Variants in RHOV observed in about 807,000 individuals in gnomAD.
The protein encoded by RHOV is ras homolog family member V, also known as rho-related GTP-binding protein RhoV.
In RHOV, 6 loss-of-function variants were observed where a neutral mutation model predicts 20.2. The observed-to-expected ratio is 0.30, with a 90% CI of 0.16 to 0.59. The LOEUF is 0.59. Ranked by LOEUF, RHOV falls within the 20% of genes least tolerant of loss-of-function variation. The pLI is 0.89. For missense variants in RHOV, 275 were observed against 319.4 expected, an observed-to-expected ratio of 0.86 and a Z score of 1.06; for synonymous variants, 136 against 142.3, an observed-to-expected ratio of 0.96 and a Z score of 0.31.
In RHOV at chr15:40,874,144, C is replaced by A; in HGVS notation, c.-5G>T. Reference sequence around the variant, plus strand: ...GCTCAGCTCCCGCGGCGGCATGGCCCGCTCCGGGGGCAGCAGAGGGGCCAG... The same window carrying A: ...GCTCAGCTCCCGCGGCGGCATGGCCAGCTCCGGGGGCAGCAGAGGGGCCAG... On this transcript the variant is annotated 5_prime_UTR_variant, in exon 1 of 3. Transcript: ENST00000220507. 2 of 1,301,200 alleles carry A rather than the reference C, an allele frequency of 1.5e-6. No homozygotes were observed. Among genetic ancestry groups the A allele is most frequent in the South Asian group, 2.1e-5 (1 of 48,672 alleles). The allele number at this position is 1,301,200 out of a possible 1,614,324, so 80.6% of individuals were successfully genotyped here. A position where few individuals can be genotyped will look rare whatever the true frequency, so the allele number is the denominator to read the frequency against.
At position 40,873,833 on chromosome 15, in the gene RHOV, G is replaced by A; in HGVS notation, c.209-91C>T. 6 of 1,539,118 alleles carry A rather than the reference G, an allele frequency of 3.9e-6. No individual in the cohort carries two copies. In the South Asian group the frequency reaches 4.6e-5, roughly 12 times the overall value. On this transcript the variant is annotated intron_variant, in intron 1 of 2. Coordinates refer to ENST00000220507, the MANE Select transcript of RHOV (RefSeq NM_133639.4). ...CGGGGCCTGCTCCAGTCTCCTCCCC[G>A]GGGTCCTCTGCGCCCTCCCGCCGAG...
At position 40,873,048 on chromosome 15, in the gene RHOV, C is replaced by T; in HGVS notation, c.*10G>A. The T allele has an allele frequency of 6.2e-7, 1 of 1,606,168 alleles. No individual in the cohort carries two copies. Among genetic ancestry groups the T allele is most frequent in the Non-Finnish European group, 8.5e-7 (1 of 1,174,042 alleles). On this transcript the variant is annotated 3_prime_UTR_variant, in exon 3 of 3. Coordinates refer to ENST00000220507, the MANE Select transcript of RHOV (RefSeq NM_133639.4). The stretch of plus-strand genomic sequence containing the variant: ...CTCCTGCCTACTACTTGCTATGCAG[C>T]CATAGCTGCTCAAACGAAGCAGAAG...
At position 40,873,964 on chromosome 15, in the gene RHOV, C is replaced by T. The variant is rs1891924958; in HGVS notation, c.176G>A (p.Arg59His). The change falls in exon 1 of 3, where the codon CGC (arginine) becomes CAC (histidine). Residue 59 changes from arginine (R) to histidine (H), a missense_variant. Arg to His is a conservative substitution (Grantham distance 29). Coordinates refer to ENST00000220507, the MANE Select transcript of RHOV (RefSeq NM_133639.4). ...VSYTCNGYPA[R>H]YRPTALDTFS... ...GGTGTCCAGCGCAGTGGGCCGGTAG[C>T]GCGCGGGGTACCCATTGCAGGTGTA... 2 of 1,611,076 alleles carry T rather than the reference C, an allele frequency of 1.2e-6. No individual in the cohort carries two copies. Among genetic ancestry groups the T allele is most frequent in the Non-Finnish European group, 1.7e-6 (2 of 1,179,086 alleles).
intron 2 of RHOV, 71 bp downstream of exon 2, chr15:40,873,613 T>A: frequency 6.3e-7 from 1 of 1,583,852 alleles, no homozygotes; most frequent in Admixed American, 1.7e-5. Context: ...CTCCATTTGC[T>A]CCATATGGGG....
chr15:40,874,194 C>T lies in RHOV; in HGVS notation c.-55G>A, dbSNP rs550147133. ...GCCCGGGTCTCGGCTTCGCTGCGCT[C>T]GGTGAAGCAGGTCCCGCTGGCTGCC... is the stretch of plus-strand genomic sequence containing the variant. On this transcript the variant is annotated 5_prime_UTR_variant, in exon 1 of 3. Coordinates refer to ENST00000220507, the MANE Select transcript of RHOV (RefSeq NM_133639.4). 1.3e-5 allele frequency: 10 copies of T among 741,032 alleles called. No individual in the cohort carries two copies. Among genetic ancestry groups the T allele is most frequent in the Admixed American group, 8.7e-5 (2 of 22,988 alleles). The allele number at this position is 741,032 out of a possible 1,614,324, so 45.9% of individuals were successfully genotyped here.
At position 40,873,723 on chromosome 15, in the gene RHOV, T is replaced by G. The variant is rs772342824; in HGVS notation, c.228A>C (p.Gly76=). 2.5e-6 allele frequency: 4 copies of G among 1,613,586 alleles called. No homozygotes were observed. Among genetic ancestry groups the G allele is most frequent in the Non-Finnish European group, 3.4e-6 (4 of 1,179,988 alleles). The part of the protein sequence containing the change: ...DTFSVQVLVD[G]APVRIELWDT... The stretch of plus-strand genomic sequence containing the variant: ...CCCAGAGCTCAATGCGCACCGGAGC[T>G]CCATCCACCAGGACTTGCACTGCAG... Residue 76 remains glycine, a synonymous_variant, in exon 2 of 3, where the codon GGA becomes GGC. Transcript: ENST00000220507.
chr15:40,874,119 GCT>G lies in RHOV; in HGVS notation c.19_20del (p.Ser7ArgfsTer18). On this transcript the variant is annotated frameshift_variant, in exon 1 of 3. Transcript: ENST00000220507. LOFTEE classifies it high-confidence loss of function. ...CCCGGAGCGGGGGCGGCTCGGCCTC[GCT>G]CAGCTCCCGCGGCGGCATGGCCCGC... MPPREL[S>X]EAEPPPLRAP... 4 of 1,364,222 alleles carry G rather than the reference GCT, an allele frequency of 2.9e-6. No individual in the cohort carries two copies. Among genetic ancestry groups the G allele is most frequent in the Non-Finnish European group, 3.8e-6 (4 of 1,064,516 alleles). The allele number at this position is 1,364,222 out of a possible 1,614,324, so 84.5% of individuals were successfully genotyped here.
Position 40,872,505 on chromosome 15 carries a change from C to T in RHOV, c.*553G>A, listed in dbSNP as rs1891898040. Reference sequence around the variant, plus strand: ...GGTGTCAGCCTGCTCCTCATCCACCCCACTTCCCTCTCTCCTCCTCCTCGT... The same window carrying T: ...GGTGTCAGCCTGCTCCTCATCCACCTCACTTCCCTCTCTCCTCCTCCTCGT... On this transcript the variant is annotated 3_prime_UTR_variant, in exon 3 of 3. Transcript: ENST00000220507. 6.5e-6 allele frequency: 1 copy of T among 153,386 alleles called. No individual in the cohort carries two copies. Among genetic ancestry groups the T allele is most frequent in the South Asian group, 2.1e-4 (1 of 4,866 alleles). The allele number at this position is 153,386 out of a possible 1,614,324, so 9.5% of individuals were successfully genotyped here. A position where few individuals can be genotyped will look rare whatever the true frequency, so the allele number is the denominator to read the frequency against.
At chr15:40,873,853 G>A (rs902756244) in intron 1 of RHOV, 79 bp downstream of exon 1, 7 of 1,538,998 alleles carry the variant, frequency 4.5e-6, no homozygotes, top group Admixed American at 1.8e-5. Context: ...GCGCCCTCCC[G>A]CCGAGACGCC....
At position 40,872,865 on chromosome 15, in the gene RHOV, A is replaced by T. The variant is rs888811897; in HGVS notation, c.*193T>A. ...CTTTGACTGGAGAAATCCAAATCAG[A>T]GCCTTCCCTCCTAGGCTCACCCAGG... On this transcript the variant is annotated 3_prime_UTR_variant, in exon 3 of 3. Coordinates refer to ENST00000220507, the MANE Select transcript of RHOV (RefSeq NM_133639.4). 1.8e-6 allele frequency: 1 copy of T among 559,084 alleles called. No homozygotes were observed. The highest frequency in any genetic ancestry group is 3.2e-6 in the Non-Finnish European group (1 of 316,698). The allele number at this position is 559,084 out of a possible 1,614,324, so 34.6% of individuals were successfully genotyped here.
At position 40,873,444 on chromosome 15, in the gene RHOV, AC is replaced by A; in HGVS notation, c.324del (p.Cys109AlafsTer39). On this transcript the variant is annotated frameshift_variant, in exon 3 of 3. Coordinates refer to ENST00000220507, the MANE Select transcript of RHOV (RefSeq NM_133639.4). LOFTEE classifies it high-confidence loss of function. ...GAGCTGGGCTGCACCACGCTGAAGC[AC>A]GCCAGGAAGACATCGGTATCCGGGT... is the stretch of plus-strand genomic sequence containing the variant. The part of the protein sequence containing the change: ...LCYPDTDVFL[A>X]CFSVVQPSSF... The A allele has an allele frequency of 6.2e-7, 1 of 1,608,576 alleles. No individual in the cohort carries two copies. The highest frequency in any genetic ancestry group is 8.5e-7 in the Non-Finnish European group (1 of 1,177,752).
rs200584461 is a variant in RHOV at position 40,873,911 on chromosome 15, C to T, written c.208+21G>A. 746 of 1,597,064 alleles carry T rather than the reference C, an allele frequency of 4.7e-4. 3 individuals carry two copies. The African/African-American group carries it at 8.7e-3, about 19-fold the overall frequency. ...GCCCCGCCGCAGCCACGCGGCCGCA[C>T]GGGCGATTGAACGTACGTACCAGAG... On this transcript the variant is annotated intron_variant, in intron 1 of 2. Coordinates refer to ENST00000220507, the MANE Select transcript of RHOV (RefSeq NM_133639.4).
In RHOV at chr15:40,873,948, C is replaced by A; in HGVS notation, c.192G>T (p.Ala64=). The A allele has an allele frequency of 6.2e-7, 1 of 1,610,990 alleles. No individual in the cohort carries two copies. The highest frequency in any genetic ancestry group is 8.5e-7 in the Non-Finnish European group (1 of 1,178,976). The change falls in exon 1 of 3, where the codon GCG becomes GCT. Residue 64 remains alanine, a synonymous_variant. Transcript: ENST00000220507. ...NGYPARYRPT[A]LDTFSVQVLV... is the part of the protein sequence containing the mutation. ...CGTACGTACCAGAGAAGGTGTCCAG[C>A]GCAGTGGGCCGGTAGCGCGCGGGGT...
chr15:40,873,980 T>C lies in RHOV; in HGVS notation c.160A>G (p.Asn54Asp). 1 of 1,611,284 alleles carries C rather than the reference T, an allele frequency of 6.2e-7. No individual in the cohort carries two copies. The highest frequency in any genetic ancestry group is 1.7e-4 in the Middle Eastern group (1 of 6,048). The change falls in exon 1 of 3, where the codon AAT becomes GAT. Residue 54 changes from asparagine (N) to aspartate (D), a missense_variant. Coordinates refer to ENST00000220507, the MANE Select transcript of RHOV (RefSeq NM_133639.4). ...GGCCGGTAGCGCGCGGGGTACCCAT[T>C]GCAGGTGTAGCTGACGATGAGGCTG... ...KSSLIVSYTC[N>D]GYPARYRPTA...
chr15:40,873,140 G>C lies in RHOV; in HGVS notation c.629C>G (p.Ala210Gly). The C allele has an allele frequency of 6.2e-7, 1 of 1,614,254 alleles. No individual in the cohort carries two copies. Among genetic ancestry groups the C allele is most frequent in the Non-Finnish European group, 8.5e-7 (1 of 1,180,028 alleles). Residue 210 changes from alanine to glycine, a missense_variant, in exon 3 of 3, where the codon GCC becomes GGC. By Grantham distance (60) the Ala-to-Gly change is moderately conservative (BLOSUM62 0). Transcript: ENST00000220507. ...GGCATTCAGTTTCTTCTCCAGCCGG[G>C]CTTTGTGCTCAATGGCACTGAGAAT... The part of the protein sequence containing the change: ...SAILSAIEHK[A>G]RLEKKLNAKG...
Position 40,873,824 on chromosome 15 carries a change from C to G in RHOV, c.209-82G>C, listed in dbSNP as rs893995500. 6 of 1,553,550 alleles carry G rather than the reference C, an allele frequency of 3.9e-6. No individual in the cohort carries two copies. The African/African-American group carries it at 5.4e-5, about 14-fold the overall frequency. ...GCGCCACCTCGGGGCCTGCTCCAGT[C>G]TCCTCCCCGGGGTCCTCTGCGCCCT... On this transcript the variant is annotated intron_variant, in intron 1 of 2. Transcript: ENST00000220507.
At position 40,872,227 on chromosome 15, in the gene RHOV, G is replaced by C. The variant is rs1891895012; in HGVS notation, c.*831C>G. On this transcript the variant is annotated 3_prime_UTR_variant, in exon 3 of 3. Transcript: ENST00000220507. ...ACAACGCACGCCTTCACAGACTTAA[G>C]GTTTTATTTGCAGACTCTGCACTGC... The C allele has an allele frequency of 6.6e-6, 1 of 152,304 alleles. No homozygotes were observed. The highest frequency in any genetic ancestry group is 1.5e-5 in the Non-Finnish European group (1 of 68,104). 9.4% of individuals were successfully genotyped at this position (152,304 alleles called of 1,614,324 possible).
At position 40,873,939 on chromosome 15, in the gene RHOV, G is replaced by T. The variant is rs752549795; in HGVS notation, c.201C>A (p.Thr67=). 2 of 1,610,618 alleles carry T rather than the reference G, an allele frequency of 1.2e-6. No homozygotes were observed. The highest frequency in any genetic ancestry group is 1.7e-6 in the Non-Finnish European group (2 of 1,178,588). The change falls in exon 1 of 3, where the codon ACC becomes ACA. Residue 67 remains threonine, a synonymous_variant. Transcript: ENST00000220507. The stretch of plus-strand genomic sequence containing the variant: ...GCGATTGAACGTACGTACCAGAGAA[G>T]GTGTCCAGCGCAGTGGGCCGGTAGC... ...PARYRPTALD[T]FSVQVLVDGA...
chr15:40,873,438 T>A lies in RHOV; in HGVS notation c.331A>T (p.Ser111Cys). The A allele has an allele frequency of 6.2e-7, 1 of 1,609,624 alleles. No individual in the cohort carries two copies. Among genetic ancestry groups the A allele is most frequent in the Non-Finnish European group, 8.5e-7 (1 of 1,178,294 alleles). The change falls in exon 3 of 3, where the codon AGC becomes TGC. Residue 111 changes from serine to cysteine, a missense_variant. Physicochemically the swap from Ser to Cys is moderately radical, Grantham distance 112. Coordinates refer to ENST00000220507, the MANE Select transcript of RHOV (RefSeq NM_133639.4). ...TGAAAGGAGCTGGGCTGCACCACGCTGAAGCACGCCAGGAAGACATCGGTA... is the reference window on the plus strand; with the variant it reads ...TGAAAGGAGCTGGGCTGCACCACGCAGAAGCACGCCAGGAAGACATCGGTA... Reference protein sequence around the residue: ...PDTDVFLACFSVVQPSSFQNI... With the variant: ...PDTDVFLACFCVVQPSSFQNI...
Sources: gnomAD v4.1 joint callset for allele counts on GRCh38, gnomAD v4.1.1 for gene constraint, MANE v1.5 for transcripts, NCBI Gene and HGNC (gene_info 2026-07-23, HGNC 2026-07-21) for gene names.